ZNF658: variants seen among roughly 807,000 people sequenced by gnomAD.
ZNF658 encodes the protein zinc finger protein 658.
A neutral mutation model predicts 78.0 loss-of-function variants in ZNF658; 46 were observed. The ratio of observed to expected loss-of-function variants is 0.59; its 90% CI spans 0.47 to 0.75. The LOEUF (loss-of-function observed/expected upper bound fraction) is 0.75, where lower values mean the gene tolerates loss of function less well. Among genes scored for constraint, ZNF658 ranks in the 30% least tolerant of loss-of-function variants. The probability of loss-of-function intolerance (pLI) is 0.00; values close to 1 mark genes in which losing one functional copy is unlikely to be tolerated. For synonymous variants in ZNF658, 279 were observed against 408.4 expected, an observed-to-expected ratio of 0.68 and a Z score of 3.82; for missense variants, 785 against 1,189.3, an observed-to-expected ratio of 0.66 and a Z score of 5.00.
At chr9:66,905,068 CTTT>C (rs1165611922) in intron 2 of ZNF658, among the ~76,000 whole-genome samples, 286 of 31,742 alleles carry the variant, frequency 9.0e-3, no homozygotes, top group Non-Finnish European at 0.012. Context: ...TTTTTCTTTT[CTTT>C]TTTTTTTTTT....
chr9:66,907,382 C>T (rs28628752), intron 2 of ZNF658, among the ~76,000 whole-genome samples: 71,997 of 151,228 alleles, frequency 0.48, 17,003 homozygotes, highest in African/African-American at 0.52. Context: ...CACCAAGCAG[C>T]TGCTTATTTT....
intron 2 of ZNF658, among the ~76,000 whole-genome samples, chr9:66,904,227 GC>G (rs1564168455): frequency 6.6e-6 from 1 of 151,742 alleles, no homozygotes; most frequent in Admixed American, 6.6e-5. Flanking sequence ...ATTTTTTCTT[GC>G]CACTTGCCTG....
chr9:66,921,348 T>G lies in ZNF658; in HGVS notation c.*602T>G, dbSNP rs949543738. ...AGGAGCCTTCATTAAAACAGAAATT[T>G]TAGGGAAAACCACAAAAACCTTCGT... On this transcript the variant is annotated 3_prime_UTR_variant, in exon 5 of 5. Coordinates refer to ENST00000621410, the MANE Select transcript of ZNF658 (RefSeq NM_033160.7). 7.2e-5 allele frequency: 11 copies of G among 151,952 alleles called. No individual in the cohort carries two copies. Among genetic ancestry groups the G allele is most frequent in the African/African-American group, 2.4e-4 (10 of 41,306 alleles). The allele number at this position is 151,952 out of a possible 1,614,324, so 9.4% of individuals were successfully genotyped here. A position where few individuals can be genotyped will look rare whatever the true frequency, so the allele number is the denominator to read the frequency against.
chr9:66,914,562 G>A (rs1464590292), intron 4 of ZNF658, among the ~76,000 whole-genome samples: 1 of 152,082 alleles, frequency 6.6e-6, no homozygotes, highest in East Asian at 1.9e-4. Flanking sequence ...TCTCTCTTGA[G>A]TATAATGTTA....
intron 6 of ZNF658, among the ~76,000 whole-genome samples, chr9:66,927,552 C>T (rs879550786): frequency 0.036 from 5,268 of 146,510 alleles, 169 homozygotes; most frequent in Non-Finnish European, 0.053. Context: ...TATTACCATT[C>T]CTATGTTCAT....
chr9:66,931,498 T>A (rs919519582), intron 6 of ZNF658, among the ~76,000 whole-genome samples: 4 of 152,086 alleles, frequency 2.6e-5, no homozygotes, highest in Non-Finnish European at 2.9e-5. Flanking sequence ...GAACCATATA[T>A]CTAGTAGAAC....
At chr9:66,921,735 G>C (rs1480468338), downstream of ZNF658, among the ~76,000 whole-genome samples, 2 of 151,372 alleles carry the variant, frequency 1.3e-5, no homozygotes, top group Admixed American at 6.6e-5. Context: ...GGGGTACTAG[G>C]CTGTATGAGG....
chr9:66,915,059 AC>A (rs1822302610), intron 4 of ZNF658, among the ~76,000 whole-genome samples: 2 of 11,200 alleles, frequency 1.8e-4, no homozygotes, highest in African/African-American at 5.9e-4. Flanking sequence ...AATTGCACAC[AC>A]ACACACACAC....
intron 4 of ZNF658, among the ~76,000 whole-genome samples, chr9:66,909,715 C>T (rs1024792168): frequency 1.3e-5 from 2 of 152,328 alleles, no homozygotes; most frequent in African/African-American, 4.8e-5. Flanking sequence ...TCCACATCCT[C>T]ACCAGTGCTT....
chr9:66,901,871 G>A (rs1318134447), intron 1 of ZNF658, among the ~76,000 whole-genome samples: 1 of 152,122 alleles, frequency 6.6e-6, no homozygotes, highest in Non-Finnish European at 1.5e-5. Context: ...TCGAACCCGA[G>A]GCGGACGCTG....
At chr9:66,904,900 T>C (rs1004024519) in intron 2 of ZNF658, among the ~76,000 whole-genome samples, 36 of 151,976 alleles carry the variant, frequency 2.4e-4, no homozygotes, top group Non-Finnish European at 3.7e-4. Flanking sequence ...ACTTTGAATA[T>C]GTCATCCCAT....
intron 1 of ZNF658, chr9:66,901,200 A>G (rs1431458887): frequency 6.6e-6 from 1 of 152,094 alleles, no homozygotes; most frequent in Non-Finnish European, 1.5e-5. Context: ...ATTATGAGAC[A>G]CTTATTCTCA....
chr9:66,918,964 A>G lies in ZNF658; in HGVS notation c.1398A>G (p.Lys466=), dbSNP rs1482826261. The change falls in exon 5 of 5, where the codon AAA becomes AAG. Residue 466 remains lysine, a synonymous_variant. Coordinates refer to ENST00000621410, the MANE Select transcript of ZNF658 (RefSeq NM_033160.7). ...ATCTGAGAATTCACACAAAAGAGAA[A>G]CCTTGTGATAACAATGGCTGTGGGA... ...SKHLRIHTKE[K]PCDNNGCGRS... is the part of the protein sequence containing the mutation. 1.4e-6 allele frequency: 2 copies of G among 1,406,024 alleles called. No individual in the cohort carries two copies. The highest frequency in any genetic ancestry group is 9.8e-7 in the Non-Finnish European group (1 of 1,021,484). The allele number at this position is 1,406,024 out of a possible 1,614,324, so 87.1% of individuals were successfully genotyped here.
At chr9:66,923,730 A>G (rs960065823), downstream of ZNF658, among the ~76,000 whole-genome samples, 4 of 151,138 alleles carry the variant, frequency 2.6e-5, no homozygotes, top group African/African-American at 9.8e-5. Context: ...ATCAGACTTA[A>G]AAAGGTACCA....
rs1272659598 is a variant in ZNF658, at chr9:66,918,069, A to G, written c.503A>G (p.Asn168Ser). Residue 168 changes from asparagine (N) to serine (S), a missense_variant, in exon 5 of 5, where the codon AAT becomes AGT. Around this residue, in one of 12 missense-constraint regions of ZNF658, gnomAD observed 393 missense variants for 400.2 expected, o/e 0.98. Coordinates refer to ENST00000621410, the MANE Select transcript of ZNF658 (RefSeq NM_033160.7). The part of the protein sequence containing the change: ...KYSRKKTEYM[N>S]VCEKLQLDIK... ...TCAAGAAAGAAGACTGAATACATGA[A>G]TGTGTGTGAGAAACTGCAGCTTGAT... 1.3e-6 allele frequency: 2 copies of G among 1,598,068 alleles called. No individual in the cohort carries two copies. The highest frequency in any genetic ancestry group is 1.7e-6 in the Non-Finnish European group (2 of 1,174,518).
At chr9:66,905,869 CA>C (rs958185490) in intron 2 of ZNF658, among the ~76,000 whole-genome samples, 4 of 144,000 alleles carry the variant, frequency 2.8e-5, no homozygotes, top group Admixed American at 2.1e-4. Context: ...TGTTTAAGTC[CA>C]ATGCCTGCTT....
chr9:66,924,656 AT>A (rs1191963700), downstream of ZNF658, among the ~76,000 whole-genome samples: 40 of 115,344 alleles, frequency 3.5e-4, 3 homozygotes, highest in East Asian at 8.9e-3. Context: ...TGTCATATAA[AT>A]TTTTTAGGAA....
chr9:66,925,678 C>A (rs1822579454), downstream of ZNF658, among the ~76,000 whole-genome samples: 1 of 152,076 alleles, frequency 6.6e-6, no homozygotes, highest in Non-Finnish European at 1.5e-5. Flanking sequence ...AGAATTAATA[C>A]CAATCATTTT....
intron 6 of ZNF658, among the ~76,000 whole-genome samples, chr9:66,930,341 A>C (rs1587374519): frequency 6.9e-6 from 1 of 144,580 alleles, no homozygotes; most frequent in Admixed American, 7.1e-5. Context: ...GTGCTAGAAA[A>C]CCCTCCACTC....
Sources: gnomAD v4.1 joint callset for allele counts (sites outside exome capture counted in the v4.1 genomes callset) on GRCh38, gnomAD v4.1.1 for gene constraint, gnomAD v4.1.1 regional missense constraint, MANE v1.5 for transcripts, NCBI Gene and HGNC (gene_info 2026-07-23, HGNC 2026-07-21) for gene names.